The following NKAIN2 variants were observed in gnomAD, a reference collection of about 807,000 sequenced individuals.
NKAIN2 encodes sodium/potassium-transporting ATPase subunit beta-1-interacting protein 2.
NKAIN2 carries 14 observed loss-of-function variants against 32.6 expected under a neutral mutation model. The ratio of observed to expected loss-of-function variants is 0.43; its 90% CI spans 0.28 to 0.67. NKAIN2 has a LOEUF of 0.67. Among genes scored for constraint, NKAIN2 ranks in the 30% least tolerant of loss-of-function variants. NKAIN2 has a pLI of 0.17. For synonymous variants in NKAIN2, 80 were observed against 87.2 expected, an observed-to-expected ratio of 0.92 and a Z score of 0.46; for missense variants, 198 against 258.3, an observed-to-expected ratio of 0.77 and a Z score of 1.60.
chr6:124,391,569 T>C (rs62436270), intron 3 of NKAIN2, among the ~76,000 whole-genome samples: 3,659 of 152,120 alleles, frequency 0.024, 96 homozygotes, highest in Non-Finnish European at 0.034. Context: ...CCTTGCCTCT[T>C]AAAATCCAAA....
At chr6:124,290,579 T>G (rs1369073984) in intron 2 of NKAIN2, among the ~76,000 whole-genome samples, 1 of 151,042 alleles carries the variant, frequency 6.6e-6, no homozygotes, top group Non-Finnish European at 1.5e-5. Flanking sequence ...TGTTGATTTT[T>G]CAGCTTTAGA....
chr6:124,805,310 C>G, intron 5 of NKAIN2, among the ~76,000 whole-genome samples: 1 of 152,182 alleles, frequency 6.6e-6, no homozygotes, highest in East Asian at 1.9e-4. Context: ...GAGGAACGAT[C>G]AGACAGCGGC....
At chr6:124,558,174 A>T (rs1780547996) in intron 3 of NKAIN2, among the ~76,000 whole-genome samples, 1 of 152,222 alleles carries the variant, frequency 6.6e-6, no homozygotes, top group Admixed American at 6.5e-5. Context: ...AAGTTATTTT[A>T]AAAAGGCCAG....
chr6:124,347,382 G>T (rs1798481262), intron 2 of NKAIN2, among the ~76,000 whole-genome samples: 1 of 152,042 alleles, frequency 6.6e-6, no homozygotes, highest in Admixed American at 6.6e-5. Context: ...ATGTTGGCCT[G>T]CCTTGCTAGA....
At chr6:123,884,312 A>G (rs1361379754) in intron 1 of NKAIN2, among the ~76,000 whole-genome samples, 1 of 152,162 alleles carries the variant, frequency 6.6e-6, no homozygotes, top group African/African-American at 2.4e-5. Context: ...ATAGTATTCC[A>G]TGGTGCATAT....
intron 5 of NKAIN2, among the ~76,000 whole-genome samples, chr6:124,805,719 G>A (rs562899604): frequency 6.6e-6 from 1 of 152,228 alleles, no homozygotes. Context: ...CAAACCAAAG[G>A]CAAAGAAGTT....
At chr6:124,067,456 C>T (rs973955120) in intron 1 of NKAIN2, among the ~76,000 whole-genome samples, 1 of 152,076 alleles carries the variant, frequency 6.6e-6, no homozygotes, top group Non-Finnish European at 1.5e-5. Context: ...CTCACTTGGA[C>T]GGACTCATAT....
chr6:124,796,287 A>G (rs990957359), intron 5 of NKAIN2, among the ~76,000 whole-genome samples: 3 of 152,152 alleles, frequency 2.0e-5, no homozygotes, highest in African/African-American at 7.2e-5. Context: ...TGCCTTGTAG[A>G]CGGCACTTTC....
intron 1 of NKAIN2, among the ~76,000 whole-genome samples, chr6:123,980,704 CAA>C (rs5879710): frequency 0.24 from 36,619 of 151,912 alleles, 4,976 homozygotes; most frequent in East Asian, 0.47. Flanking sequence ...TTTGAATGTT[CAA>C]GTCAGATGTG....
chr6:124,476,168 G>GC (rs1777204719), intron 3 of NKAIN2, among the ~76,000 whole-genome samples: 1 of 150,556 alleles, frequency 6.6e-6, no homozygotes, highest in African/African-American at 2.4e-5. Flanking sequence ...TTAAAACAAA[G>GC]CCCTTCCTAA....
intron 3 of NKAIN2, among the ~76,000 whole-genome samples, chr6:124,389,707 G>A: frequency 8.1e-6 from 1 of 123,182 alleles, no homozygotes; most frequent in East Asian, 2.6e-4. Context: ...CCTCATCTCT[G>A]TGTACATTTG....
chr6:124,671,744 T>C (rs969029961), intron 4 of NKAIN2, among the ~76,000 whole-genome samples: 1 of 152,054 alleles, frequency 6.6e-6, no homozygotes, highest in Non-Finnish European at 1.5e-5. Context: ...ATATTTTAGG[T>C]ACTTGGTTTT....
At chr6:124,625,432 A>C (rs946665141) in intron 3 of NKAIN2, among the ~76,000 whole-genome samples, 1 of 152,126 alleles carries the variant, frequency 6.6e-6, no homozygotes, top group Non-Finnish European at 1.5e-5. Flanking sequence ...GGGCAGGACA[A>C]TGCGAGAGCT....
intron 3 of NKAIN2, among the ~76,000 whole-genome samples, chr6:124,478,887 C>T (rs1777337959): frequency 6.6e-6 from 1 of 151,982 alleles, no homozygotes; most frequent in South Asian, 2.1e-4. Flanking sequence ...AGTGGAGAAA[C>T]CTGAAAAACA....
chr6:124,300,226 C>T (rs1272517671), intron 2 of NKAIN2, among the ~76,000 whole-genome samples: 1 of 152,168 alleles, frequency 6.6e-6, no homozygotes, highest in Non-Finnish European at 1.5e-5. Flanking sequence ...TTCCCCTATA[C>T]TGTCCTCATA....
intron 1 of NKAIN2, among the ~76,000 whole-genome samples, chr6:124,008,885 A>T (rs1780194548): frequency 6.6e-6 from 1 of 152,170 alleles, no homozygotes; most frequent in South Asian, 2.1e-4. Context: ...GCCTAAACCA[A>T]TATGTGTAAC....
Position 124,709,749 on chromosome 6 carries a change from C to G in NKAIN2, c.474+51363C>G, listed in dbSNP as rs529209173. 4.6e-4 allele frequency among the ~76,000 whole-genome samples: 70 copies of G among 151,604 alleles called. 2 individuals are homozygous for G. Among genetic ancestry groups the G allele is most frequent in the African/African-American group, 1.5e-3 (62 of 41,342 alleles). On this transcript the variant is annotated intron_variant, in intron 4 of 6. Transcript: ENST00000368417. ...CTCTTTTTTCTTTATTGCCAGCAGT[C>G]TATCAATTTTATTGATCCTTTCAAA...
intron 1 of NKAIN2, among the ~76,000 whole-genome samples, chr6:123,835,982 G>C (rs1169916592): frequency 6.6e-6 from 1 of 151,052 alleles, no homozygotes; most frequent in Non-Finnish European, 1.5e-5. Flanking sequence ...AATATTATTG[G>C]AAAGTCAAAA....
rs1309039024 is a variant in NKAIN2 at position 124,809,559 on chromosome 6, G to T, written c.536-8828G>T. Among the ~76,000 whole-genome samples the T allele has an allele frequency of 2.7e-5, 4 of 150,532 alleles. No individual in the cohort carries two copies. The East Asian group carries it at 5.9e-4, about 22-fold the overall frequency. On this transcript the variant is annotated intron_variant, in intron 5 of 6. Transcript: ENST00000368417. ...AAGAAAACCTAGGCATTACCATTCA[G>T]GACATAGGCATGGGCAAGGACTTCA...
Sources: gnomAD v4.1 joint callset for allele counts (sites outside exome capture counted in the v4.1 genomes callset) on GRCh38, gnomAD v4.1.1 for gene constraint, MANE v1.5 for transcripts, NCBI Gene and HGNC (gene_info 2026-07-23, HGNC 2026-07-21) for gene names.